The following VPS13B variants were observed in gnomAD, a reference collection of about 807,000 sequenced individuals.
VPS13B encodes intermembrane lipid transfer protein VPS13B.
Under a neutral mutation model 426.4 loss-of-function variants are expected in VPS13B, and 285 were observed. That is an observed-to-expected ratio of 0.67 (90% CI 0.61 to 0.74). The LOEUF is 0.74. Among genes scored for constraint, VPS13B ranks in the 30% least tolerant of loss-of-function variants. The pLI is 0.00. For missense variants in VPS13B, 4,537 were observed against 4,782.6 expected (o/e 0.95, Z 1.51); for synonymous variants, 1,676 against 1,676.4 (o/e 1.00, Z 0.01).
In VPS13B at chr8:99,135,699, G is replaced by A. The variant is rs771667880; in HGVS notation, c.1529G>A (p.Arg510His). 272 of 1,613,216 alleles carry A rather than the reference G, an allele frequency of 1.7e-4. 3 individuals are homozygous for A. In the South Asian group the frequency reaches 2.3e-3, roughly 14 times the overall value. Reference sequence around the variant, plus strand: ...CGAAGCCCAGAAAATAATGGTACTCGCGCAGAATTTATCTTGGATTCAACT... The same window carrying A: ...CGAAGCCCAGAAAATAATGGTACTCACGCAGAATTTATCTTGGATTCAACT... ...DYRSPENNGTRAEFILDSTHH... is the reference protein window; with the variant it reads ...DYRSPENNGTHAEFILDSTHH... The change falls in exon 11 of 62, where the codon CGC becomes CAC. Residue 510 changes from arginine (R) to histidine (H), a missense_variant. Arg to His is a conservative substitution (Grantham distance 29, BLOSUM62 0). Coordinates refer to ENST00000357162, the MANE Select transcript of VPS13B (RefSeq NM_152564.5).
intron 30 of VPS13B, among the ~76,000 whole-genome samples, chr8:99,546,160 G>T (rs1182230886): frequency 6.6e-6 from 1 of 151,726 alleles, no homozygotes; most frequent in Non-Finnish European, 1.5e-5. Flanking sequence ...TATAATATTT[G>T]TGAGTCGGAA....
chr8:99,282,142 C>G (rs939344061), intron 19 of VPS13B, among the ~76,000 whole-genome samples: 1 of 152,096 alleles, frequency 6.6e-6, no homozygotes, highest in Non-Finnish European at 1.5e-5. Flanking sequence ...TACCTTGATT[C>G]TGCCTTCTTT....
intron 17 of VPS13B, among the ~76,000 whole-genome samples, chr8:99,195,401 G>C (rs148013023): frequency 6.6e-6 from 1 of 152,124 alleles, no homozygotes; most frequent in African/African-American, 2.4e-5. Context: ...TGTCTGTTCA[G>C]GTCCTGTGCC....
At chr8:99,828,256 G>C (rs1212510208) in intron 51 of VPS13B, among the ~76,000 whole-genome samples, 2 of 152,072 alleles carry the variant, frequency 1.3e-5, no homozygotes, top group African/African-American at 2.4e-5. Context: ...GGATGCTCTT[G>C]TATTGGGTGC....
chr8:99,364,524 C>G (rs879416384), intron 19 of VPS13B, among the ~76,000 whole-genome samples: 5 of 152,056 alleles, frequency 3.3e-5, no homozygotes, highest in Admixed American at 6.6e-5. Flanking sequence ...CCTTGACCTT[C>G]CAGGCTCAAG....
intron 39 of VPS13B, among the ~76,000 whole-genome samples, chr8:99,736,498 C>T (rs935874188): frequency 6.6e-6 from 1 of 152,164 alleles, no homozygotes; most frequent in African/African-American, 2.4e-5. Context: ...CACTTGAAAT[C>T]AGGAGGCAGA....
chr8:99,155,911 A>G (rs764053589), intron 14 of VPS13B, among the ~76,000 whole-genome samples: 26 of 152,146 alleles, frequency 1.7e-4, no homozygotes, highest in Non-Finnish European at 3.2e-4. Context: ...GACAGGGATC[A>G]TTTGCCACTC....
In VPS13B at chr8:99,819,578, G is replaced by A. The variant is rs2130816418; in HGVS notation, c.8788G>A (p.Asp2930Asn). 6.8e-6 allele frequency: 11 copies of A among 1,613,422 alleles called. No homozygotes were observed. Among genetic ancestry groups the A allele is most frequent in the Non-Finnish European group, 7.6e-6 (9 of 1,179,744 alleles). Reference sequence around the variant, plus strand: ...ATGGCCCTATAATAAGAAGGATTCTGACAGGTAATATTCTTCAGTGATCTT... The same window carrying A: ...ATGGCCCTATAATAAGAAGGATTCTAACAGGTAATATTCTTCAGTGATCTT... Reference protein sequence around the residue: ...PIWPYNKKDSDRNEQLSQWDS... With the variant: ...PIWPYNKKDSNRNEQLSQWDS... The change falls in exon 48 of 62, where the codon GAC becomes AAC. Residue 2930 changes from aspartate to asparagine, a missense_variant. This residue lies in a region of VPS13B where 4,311 missense variants were observed against 4,474.3 expected (regional missense o/e 0.96). Coordinates refer to ENST00000357162, the MANE Select transcript of VPS13B (RefSeq NM_152564.5).
At chr8:99,857,834 A>G (rs1055388594) in intron 56 of VPS13B, among the ~76,000 whole-genome samples, 13 of 152,186 alleles carry the variant, frequency 8.5e-5, no homozygotes, top group Non-Finnish European at 2.9e-5. Flanking sequence ...AATGTGTTGA[A>G]TGCCTGGCAT....
intron 17 of VPS13B, among the ~76,000 whole-genome samples, chr8:99,260,887 C>G (rs1360984744): frequency 6.6e-6 from 1 of 151,920 alleles, no homozygotes; most frequent in Non-Finnish European, 1.5e-5. Context: ...CATAGTAGAT[C>G]AATCAAAGTT....
chr8:99,358,221 G>A (rs1009618102), intron 19 of VPS13B, among the ~76,000 whole-genome samples: 1 of 152,114 alleles, frequency 6.6e-6, no homozygotes, highest in African/African-American at 2.4e-5. Context: ...TGAATTGTGA[G>A]GAAACTCCAT....
At chr8:99,111,578 A>AT (rs1298822992) in intron 6 of VPS13B, among the ~76,000 whole-genome samples, 1 of 152,020 alleles carries the variant, frequency 6.6e-6, no homozygotes, top group African/African-American at 2.4e-5. Flanking sequence ...ATTAAAAGGT[A>AT]TATTTATACC....
chr8:99,394,813 A>G (rs995941489), intron 21 of VPS13B, among the ~76,000 whole-genome samples: 1 of 152,226 alleles, frequency 6.6e-6, no homozygotes, highest in African/African-American at 2.4e-5. Context: ...TTAAAATAAT[A>G]GAAGCCTTTT....
chr8:99,637,639 C>T, intron 33 of VPS13B, among the ~76,000 whole-genome samples: 1 of 152,120 alleles, frequency 6.6e-6, no homozygotes, highest in East Asian at 1.9e-4. Flanking sequence ...ACTAATGTAG[C>T]AGTCTCAGCA....
chr8:99,209,639 T>C, intron 17 of VPS13B: 1 of 550,208 alleles, frequency 1.8e-6, no homozygotes, highest in Non-Finnish European at 2.5e-6. Context: ...ACTCCTGGCC[T>C]CAAATGATCC....
intron 17 of VPS13B, chr8:99,234,467 C>T (rs532339580): frequency 1.0e-4 from 57 of 564,782 alleles, no homozygotes; most frequent in South Asian, 7.5e-4. Flanking sequence ...ACCTTGGCCT[C>T]GCCGCCGCCC....
intron 30 of VPS13B, among the ~76,000 whole-genome samples, chr8:99,552,075 C>G (rs541812646): frequency 1.3e-5 from 2 of 151,796 alleles, no homozygotes; most frequent in Non-Finnish European, 2.9e-5. Context: ...ATTTCCTTGT[C>G]TCTTTGGATT....
chr8:99,431,151 C>A (rs961113397), intron 21 of VPS13B, among the ~76,000 whole-genome samples: 8 of 151,952 alleles, frequency 5.3e-5, no homozygotes, highest in Admixed American at 3.3e-4. Flanking sequence ...CTTTTTCTTC[C>A]AAGAAAAGAT....
chr8:99,873,471 AAGG>A (rs1162672931), intron 61 of VPS13B, among the ~76,000 whole-genome samples: 3 of 152,196 alleles, frequency 2.0e-5, no homozygotes, highest in African/African-American at 7.2e-5. Flanking sequence ...GGTTGGGATT[AAGG>A]AATGCCTAAA....
Sources: allele counts gnomAD v4.1 joint callset (sites outside exome capture counted in the v4.1 genomes callset), GRCh38; gene constraint gnomAD v4.1.1; regional missense constraint gnomAD v4.1.1; transcripts MANE v1.5; gene names NCBI Gene and HGNC (gene_info 2026-07-23, HGNC 2026-07-21).